SEC14L1: variants seen among roughly 807,000 people sequenced by gnomAD.
SEC14L1 encodes SEC14-like protein 1.
SEC14L1 carries 48 observed loss-of-function variants against 85.3 expected under a neutral mutation model. The observed-to-expected ratio is 0.56, with a 90% CI of 0.45 to 0.72. SEC14L1 has a LOEUF of 0.72. SEC14L1 is among the 30% of genes least tolerant of loss of function. The pLI is 0.00. For synonymous variants in SEC14L1, 391 were observed against 355.5 expected (o/e 1.10, Z -1.12); for missense variants, 682 against 921.4 (o/e 0.74, Z 3.36).
upstream of SEC14L1, among the ~76,000 whole-genome samples, chr17:77,137,296 C>T (rs1371606669): frequency 6.6e-6 from 1 of 152,090 alleles, no homozygotes; most frequent in East Asian, 1.9e-4. Context: ...ATGGCGCTGG[C>T]ATCTGCTTAG....
At chr17:77,209,273 C>T (rs369396396) in intron 13 of SEC14L1, 69 bp from the exon 14 acceptor site, 13 of 1,585,674 alleles carry the variant, frequency 8.2e-6, no homozygotes, top group South Asian at 2.3e-5. Flanking sequence ...TAGTGCTGGC[C>T]GGTGTGTCTG....
intron 5 of SEC14L1, 44 bp from the exon 6 acceptor site, chr17:77,193,377 T>C (rs1345969424): frequency 1.3e-6 from 2 of 1,543,760 alleles, no homozygotes; most frequent in Admixed American, 3.7e-5. Context: ...GATGATATTC[T>C]GTTGTCAATT....
In SEC14L1 at chr17:77,194,869, A is replaced by C. The variant is rs1255120381; in HGVS notation, c.667A>C (p.Ser223Arg). 6.2e-7 allele frequency: 1 copy of C among 1,614,190 alleles called. No homozygotes were observed. Among genetic ancestry groups the C allele is most frequent in the South Asian group, 1.1e-5 (1 of 91,086 alleles). ...LKEGLSGDAL[S>R]SPSAPEPVVG... The stretch of plus-strand genomic sequence containing the variant: ...GGAGGGGCTGAGTGGTGATGCCCTC[A>C]GCAGCCCCAGCGCACCTGAGCCCGT... The change falls in exon 7 of 17, where the codon AGC (serine) becomes CGC (arginine). Residue 223 changes from serine (S) to arginine (R), a missense_variant. Coordinates refer to ENST00000436233, the MANE Select transcript of SEC14L1 (RefSeq NM_001143998.2).
intron 3 of SEC14L1, chr17:77,099,164 G>C (rs1971711985): frequency 6.6e-6 from 1 of 152,136 alleles, no homozygotes; most frequent in Admixed American, 6.6e-5. Context: ...TGCCACGTTA[G>C]AACTACAGCC....
upstream of SEC14L1, chr17:77,088,698 T>C (rs1034034456): frequency 2.6e-5 from 4 of 152,158 alleles, no homozygotes; most frequent in African/African-American, 9.7e-5. Context: ...TGGAGACACG[T>C]GCTTTGGCCT....
At chr17:77,138,112 C>G (rs147707180), upstream of SEC14L1, among the ~76,000 whole-genome samples, 1 of 151,206 alleles carries the variant, frequency 6.6e-6, no homozygotes, top group African/African-American at 2.4e-5. Context: ...AGTTCCTGGG[C>G]GGGGGCCACA....
At chr17:77,162,677 C>T (rs1048792488) in intron 3 of SEC14L1, among the ~76,000 whole-genome samples, 1 of 151,932 alleles carries the variant, frequency 6.6e-6, no homozygotes, top group South Asian at 2.1e-4. Flanking sequence ...ACTAAAAATA[C>T]AAAATGAACT....
At chr17:77,187,992 G>C (rs560022870) in intron 3 of SEC14L1, among the ~76,000 whole-genome samples, 1 of 152,208 alleles carries the variant, frequency 6.6e-6, no homozygotes, top group Admixed American at 6.5e-5. Context: ...TGATCTGCAC[G>C]CCTGGGCCTC....
intron 3 of SEC14L1, among the ~76,000 whole-genome samples, chr17:77,187,988 G>T (rs997191260): frequency 9.9e-5 from 15 of 152,080 alleles, no homozygotes; most frequent in Non-Finnish European, 1.5e-4. Context: ...CAAGTGATCT[G>T]CACGCCTGGG....
intron 3 of SEC14L1, among the ~76,000 whole-genome samples, chr17:77,121,397 C>T (rs137913240): frequency 0.01 from 1,538 of 152,222 alleles, 31 homozygotes; most frequent in African/African-American, 0.035. Context: ...CTTCCTCTGT[C>T]ACCCAGGCTG....
At chr17:77,169,120 T>C (rs1160159303) in intron 3 of SEC14L1, among the ~76,000 whole-genome samples, 2 of 147,236 alleles carry the variant, frequency 1.4e-5, no homozygotes, top group Non-Finnish European at 3.0e-5. Flanking sequence ...CTCCAGTTTC[T>C]CAGCAGAGTG....
At chr17:77,201,929 C>T (rs1213644619) in intron 9 of SEC14L1, among the ~76,000 whole-genome samples, 1 of 152,194 alleles carries the variant, frequency 6.6e-6, no homozygotes, top group East Asian at 1.9e-4. Flanking sequence ...TAACCCTCTG[C>T]CCCATGCTGG....
chr17:77,148,201 G>A (rs537003232), intron 3 of SEC14L1, among the ~76,000 whole-genome samples: 2 of 152,182 alleles, frequency 1.3e-5, no homozygotes, highest in Non-Finnish European at 2.9e-5. Context: ...AGGCCACCTA[G>A]TGTAGGAGGG....
chr17:77,216,704 T>C lies in SEC14L1; in HGVS notation c.*2681T>C. On this transcript the variant is annotated 3_prime_UTR_variant, in exon 17 of 17. Coordinates refer to ENST00000436233, the MANE Select transcript of SEC14L1 (RefSeq NM_001143998.2). ...TAAGTTGATTCGGGAGTGGCATTCT[T>C]TTATACCCAAAGACTGTAGTGCATC... 1 of 1,472,282 alleles carries C rather than the reference T, an allele frequency of 6.8e-7. No individual in the cohort carries two copies. The highest frequency in any genetic ancestry group is 9.4e-7 in the Non-Finnish European group (1 of 1,067,156). 91.2% of individuals were successfully genotyped at this position (1,472,282 alleles called of 1,614,324 possible).
At chr17:77,139,160 A>AT (rs749541191), upstream of SEC14L1, among the ~76,000 whole-genome samples, 1,108 of 120,102 alleles carry the variant, frequency 9.2e-3, 10 homozygotes, top group African/African-American at 0.021. Context: ...GGTCAGGTGA[A>AT]TTTTTTTTTT....
intron 3 of SEC14L1, among the ~76,000 whole-genome samples, chr17:77,121,452 A>G (rs562515057): frequency 1.1e-4 from 16 of 152,116 alleles, no homozygotes; most frequent in African/African-American, 3.6e-4. Context: ...TCTGCCTCCC[A>G]GGTTCAAGCG....
chr17:77,195,126 C>G, intron 7 of SEC14L1: 1 of 565,754 alleles, frequency 1.8e-6, no homozygotes, highest in Non-Finnish European at 3.1e-6. Context: ...AGGATTATAT[C>G]AAGTTATTTT....
chr17:77,122,341 C>G (rs1469559915), intron 3 of SEC14L1, among the ~76,000 whole-genome samples: 9 of 150,176 alleles, frequency 6.0e-5, no homozygotes, highest in Admixed American at 4.0e-4. Flanking sequence ...CTCACTCTGT[C>G]ACCCAGGCTC....
At chr17:77,146,278 G>A (rs72882060) in intron 3 of SEC14L1, among the ~76,000 whole-genome samples, 4,608 of 152,284 alleles carry the variant, frequency 0.03, 103 homozygotes, top group Middle Eastern at 0.075. Flanking sequence ...AGTTGGGCAG[G>A]GTGGGGGATG....
Sources: gnomAD v4.1 joint callset for allele counts (sites outside exome capture counted in the v4.1 genomes callset) on GRCh38, gnomAD v4.1.1 for gene constraint, MANE v1.5 for transcripts, NCBI Gene and HGNC (gene_info 2026-07-23, HGNC 2026-07-21) for gene names.